The following LPP variants were observed in gnomAD, a reference collection of about 807,000 sequenced individuals.
LPP encodes the protein LIM domain containing preferred translocation partner in lipoma.
LPP carries 38 observed loss-of-function variants against 60.4 expected under a neutral mutation model. The observed-to-expected ratio is 0.63, with a 90% CI of 0.49 to 0.83. The LOEUF is 0.83. Among genes scored for constraint, LPP ranks in the 40% least tolerant of loss-of-function variants. LPP has a pLI of 0.00. For synonymous variants in LPP, 328 were observed against 290.8 expected, an observed-to-expected ratio of 1.13 and a Z score of -1.30; for missense variants, 902 against 783.6, an observed-to-expected ratio of 1.15 and a Z score of -1.80.
chr3:188,327,609 A>AT (rs996520399), intron 2 of LPP, among the ~76,000 whole-genome samples: 1 of 151,954 alleles, frequency 6.6e-6, no homozygotes, highest in Non-Finnish European at 1.5e-5. Context: ...CACAGTGAGT[A>AT]TTTTTTTTAC....
chr3:188,771,269 C>G (rs879548121), intron 9 of LPP, among the ~76,000 whole-genome samples: 1 of 151,896 alleles, frequency 6.6e-6, no homozygotes, highest in Non-Finnish European at 1.5e-5. Flanking sequence ...AAAAAAGAGG[C>G]CGGGCACAGT....
intron 4 of LPP, among the ~76,000 whole-genome samples, chr3:188,422,913 TTGTGTGTGTGTGTGTG>T (rs10689970): frequency 3.0e-5 from 4 of 133,872 alleles, no homozygotes; most frequent in East Asian, 2.2e-4. Context: ...GGTGTCTTCT[TTGTGTGTGTGTGTGTG>T]TGTGTGTGTG....
intron 6 of LPP, among the ~76,000 whole-genome samples, chr3:188,608,832 G>C (rs1385552277): frequency 6.6e-6 from 1 of 152,082 alleles, no homozygotes; most frequent in Non-Finnish European, 1.5e-5. Context: ...TTTGTGTCTT[G>C]TATAATTTCT....
At chr3:188,693,406 T>A (rs1440145518) in intron 7 of LPP, among the ~76,000 whole-genome samples, 1 of 152,164 alleles carries the variant, frequency 6.6e-6, no homozygotes, top group Non-Finnish European at 1.5e-5. Flanking sequence ...CCACCAGGCT[T>A]TGCATAAGGC....
At chr3:188,252,356 G>GT (rs71634071) in intron 2 of LPP, among the ~76,000 whole-genome samples, 9 of 77,664 alleles carry the variant, frequency 1.2e-4, no homozygotes, top group East Asian at 2.8e-4. Flanking sequence ...CCCTTCTTCC[G>GT]TTTTTTTTTC....
At chr3:188,641,749 G>C (rs1279118855) in intron 7 of LPP, among the ~76,000 whole-genome samples, 1 of 152,190 alleles carries the variant, frequency 6.6e-6, no homozygotes, top group African/African-American at 2.4e-5. Context: ...TTGAGGTAAA[G>C]TTGGCAGCAA....
chr3:188,599,239 A>G (rs914718305), intron 6 of LPP, among the ~76,000 whole-genome samples: 5 of 152,088 alleles, frequency 3.3e-5, no homozygotes, highest in African/African-American at 9.7e-5. Flanking sequence ...ATGGCATTCT[A>G]TCTCATTTGA....
At chr3:188,157,913 A>C in intron 1 of LPP, among the ~76,000 whole-genome samples, 1 of 152,146 alleles carries the variant, frequency 6.6e-6, no homozygotes, top group East Asian at 1.9e-4. Flanking sequence ...AGCAGGGAGA[A>C]GCTGCTTTAT....
chr3:188,159,656 A>G (rs1027557802), intron 1 of LPP, among the ~76,000 whole-genome samples: 1 of 152,182 alleles, frequency 6.6e-6, no homozygotes, highest in Non-Finnish European at 1.5e-5. Context: ...CAGGATAGCA[A>G]TCATGGGGGA....
intron 2 of LPP, among the ~76,000 whole-genome samples, chr3:188,262,682 C>T (rs1734074763): frequency 6.6e-6 from 1 of 151,576 alleles, no homozygotes; most frequent in African/African-American, 2.4e-5. Flanking sequence ...TCTCTTTCTC[C>T]TCTTCTTTCT....
At chr3:188,803,133 C>T (rs572302307) in intron 9 of LPP, among the ~76,000 whole-genome samples, 2 of 151,372 alleles carry the variant, frequency 1.3e-5, no homozygotes, top group African/African-American at 2.4e-5. Flanking sequence ...CAACCTCCGC[C>T]TCCAGGGTTC....
At chr3:188,579,367 T>C (rs7615508) in intron 6 of LPP, among the ~76,000 whole-genome samples, 5,354 of 152,332 alleles carry the variant, frequency 0.035, 151 homozygotes, top group African/African-American at 0.075. Context: ...CCAATCTCTA[T>C]GACACTGGAA....
chr3:188,526,946 G>C (rs1265070806), intron 6 of LPP, among the ~76,000 whole-genome samples: 1 of 152,174 alleles, frequency 6.6e-6, no homozygotes, highest in African/African-American at 2.4e-5. Context: ...TTCTTCTGAA[G>C]GTGACACAGT....
intron 7 of LPP, among the ~76,000 whole-genome samples, chr3:188,675,997 A>C (rs1323967076): frequency 6.6e-6 from 1 of 152,186 alleles, no homozygotes; most frequent in Non-Finnish European, 1.5e-5. Flanking sequence ...AAGAGAAAGA[A>C]TCCTAGGGGT....
chr3:188,383,604 A>G (rs1026410040), intron 3 of LPP, among the ~76,000 whole-genome samples: 1 of 152,334 alleles, frequency 6.6e-6, no homozygotes, highest in East Asian at 1.9e-4. Flanking sequence ...TTCAAAAGCA[A>G]TGAAGAAGAC....
chr3:188,249,966 C>T (rs1728566189), intron 2 of LPP, among the ~76,000 whole-genome samples: 1 of 150,182 alleles, frequency 6.7e-6, no homozygotes, highest in Non-Finnish European at 1.5e-5. Context: ...CCCCTAAGTA[C>T]AGTGTGTATT....
intron 4 of LPP, among the ~76,000 whole-genome samples, chr3:188,408,487 C>G (rs922808024): frequency 7.9e-5 from 12 of 152,144 alleles, no homozygotes; most frequent in African/African-American, 2.9e-4. Context: ...AGTCCTTGGT[C>G]CCCTCTCAAC....
chr3:188,391,162 T>C (rs1164511177), intron 3 of LPP, among the ~76,000 whole-genome samples: 1 of 152,174 alleles, frequency 6.6e-6, no homozygotes, highest in Non-Finnish European at 1.5e-5. Context: ...TTCATTCATC[T>C]AGCCCCCTGG....
chr3:188,790,308 C>T (rs904713944), intron 9 of LPP, among the ~76,000 whole-genome samples: 2 of 151,868 alleles, frequency 1.3e-5, no homozygotes, highest in Non-Finnish European at 2.9e-5. Context: ...AGAAAAATTT[C>T]AAACATGAGT....
Sources: gnomAD v4.1 joint callset for allele counts (sites outside exome capture counted in the v4.1 genomes callset) on GRCh38, gnomAD v4.1.1 for gene constraint, MANE v1.5 for transcripts, NCBI Gene and HGNC (gene_info 2026-07-23, HGNC 2026-07-21) for gene names.